Variants in MAJIN observed in about 807,000 individuals in gnomAD.
The protein encoded by MAJIN is membrane anchored junction protein, also known as membrane-anchored junction protein.
A neutral mutation model predicts 30.2 loss-of-function variants in MAJIN; 27 were observed. The ratio of observed to expected loss-of-function variants is 0.89; its 90% confidence interval spans 0.66 to 1.23. The LOEUF (loss-of-function observed/expected upper bound fraction) is 1.23. Among genes scored for constraint, MAJIN ranks in the 50% most tolerant of loss-of-function variants. The probability of loss-of-function intolerance (pLI) is 0.00; values close to 1 mark genes in which losing one functional copy is unlikely to be tolerated. For synonymous variants in MAJIN, 78 were observed against 91.6 expected (o/e 0.85, Z 0.85); for missense variants, 253 against 260.3 (o/e 0.97, Z 0.19).
At chr11:64,970,778 G>A (rs1164122138) in intron 1 of MAJIN, among the ~76,000 whole-genome samples, 3 of 152,194 alleles carry the variant, frequency 2.0e-5, no homozygotes, top group Non-Finnish European at 4.4e-5. Flanking sequence ...ATTCAATCAA[G>A]GCTCTGGGGA....
chr11:64,953,301 A>G (rs1453696944), intron 4 of MAJIN, among the ~76,000 whole-genome samples: 1 of 152,102 alleles, frequency 6.6e-6, no homozygotes, highest in East Asian at 1.9e-4. Context: ...ATGGCAGAAC[A>G]CTTCTCATAG....
chr11:64,958,572 A>G (rs1235884358), intron 3 of MAJIN, among the ~76,000 whole-genome samples: 4 of 147,710 alleles, frequency 2.7e-5, no homozygotes, highest in African/African-American at 7.5e-5. Flanking sequence ...TGATCACACC[A>G]CTACATGTGA....
At chr11:64,958,619 A>G (rs1590703021) in intron 3 of MAJIN, among the ~76,000 whole-genome samples, 1 of 146,256 alleles carries the variant, frequency 6.8e-6, no homozygotes, top group South Asian at 2.2e-4. Context: ...AAAAAAAAAG[A>G]AAGAAAAATT....
chr11:64,948,295 G>A (rs1408682530), intron 6 of MAJIN, among the ~76,000 whole-genome samples: 4 of 151,820 alleles, frequency 2.6e-5, no homozygotes. Flanking sequence ...GTTTCAGAAT[G>A]ATTGTAATCT....
chr11:64,957,488 C>G (rs1182214092), intron 3 of MAJIN, among the ~76,000 whole-genome samples: 1 of 152,342 alleles, frequency 6.6e-6, no homozygotes, highest in African/African-American at 2.4e-5. Flanking sequence ...ACTGCAGCCT[C>G]TGCCTCCCAG....
At chr11:64,947,608 G>T in intron 7 of MAJIN, 143 bp from the exon 8 acceptor site, 1 of 1,041,584 alleles carries the variant, frequency 9.6e-7, no homozygotes, top group Non-Finnish European at 1.4e-6. Context: ...TAGACATTCT[G>T]TTAGAGACAT....
intron 1 of MAJIN, among the ~76,000 whole-genome samples, chr11:64,962,963 C>A (rs1945750671): frequency 6.6e-6 from 1 of 152,038 alleles, no homozygotes; most frequent in South Asian, 2.1e-4. Context: ...CCCGCCTCTA[C>A]TAAAAATACA....
chr11:64,948,604 T>TATATATTC (rs1945489046), intron 6 of MAJIN, among the ~76,000 whole-genome samples: 1 of 21,482 alleles, frequency 4.7e-5, no homozygotes, highest in African/African-American at 1.8e-4. Context: ...GGCTACATCA[T>TATATATTC]ATATATATAT....
intron 1 of MAJIN, among the ~76,000 whole-genome samples, chr11:64,960,929 C>A (rs1031044369): frequency 2.0e-5 from 3 of 152,158 alleles, no homozygotes; most frequent in African/African-American, 7.2e-5. Context: ...ACTAGAATTG[C>A]AGTCAAAAAT....
intron 8 of MAJIN, among the ~76,000 whole-genome samples, chr11:64,945,119 A>G (rs1945431534): frequency 6.6e-6 from 1 of 152,136 alleles, no homozygotes; most frequent in African/African-American, 2.4e-5. Flanking sequence ...GCACTTTGGG[A>G]GGCCGAGGCG....
intron 6 of MAJIN, 138 bp downstream of exon 6, chr11:64,949,605 A>AAATACC: frequency 9.4e-7 from 1 of 1,065,300 alleles, no homozygotes; most frequent in Non-Finnish European, 1.3e-6. Flanking sequence ...TGAACCGGTC[A>AAATACC]GTCTGGCCTG....
At chr11:64,958,641 G>A (rs901713522) in intron 3 of MAJIN, among the ~76,000 whole-genome samples, 3 of 149,660 alleles carry the variant, frequency 2.0e-5, no homozygotes, top group African/African-American at 4.9e-5. Flanking sequence ...CAAGGGAGTC[G>A]AGATGAAAAA....
chr11:64,948,631 A>ATTTT (rs1945495201), intron 6 of MAJIN, among the ~76,000 whole-genome samples: 1 of 40,680 alleles, frequency 2.5e-5, no homozygotes, highest in Non-Finnish European at 3.6e-5. Flanking sequence ...ATATATATAT[A>ATTTT]TATATATATT....
chr11:64,966,145 G>GAAAAAAGA (rs1945804703), intron 1 of MAJIN, among the ~76,000 whole-genome samples: 1 of 57,100 alleles, frequency 1.8e-5, no homozygotes, highest in Non-Finnish European at 3.0e-5. Flanking sequence ...GATTAAAAAT[G>GAAAAAAGA]AAAAAAAAAA....
chr11:64,962,758 T>C (rs1369321255), intron 1 of MAJIN, among the ~76,000 whole-genome samples: 2 of 152,198 alleles, frequency 1.3e-5, no homozygotes, highest in Non-Finnish European at 2.9e-5. Flanking sequence ...AGCTACTTTG[T>C]AAATTCCAGA....
intron 9 of MAJIN, 116 bp downstream of exon 9, chr11:64,940,458 G>T: frequency 2.9e-6 from 3 of 1,021,964 alleles, no homozygotes; most frequent in Non-Finnish European, 4.6e-6. Context: ...CGGGAGCAAG[G>T]CACATTACCC....
intron 5 of MAJIN, 70 bp from the exon 6 acceptor site, chr11:64,949,938 ACT>A: frequency 2.6e-6 from 4 of 1,551,496 alleles, no homozygotes; most frequent in East Asian, 2.2e-5. Context: ...TAGGGATGAG[ACT>A]CTCTCTCCTT....
chr11:64,964,535 C>T (rs1217368559), intron 1 of MAJIN, among the ~76,000 whole-genome samples: 1 of 152,080 alleles, frequency 6.6e-6, no homozygotes, highest in Non-Finnish European at 1.5e-5. Context: ...CCTGGTCGCG[C>T]TCACCACTCT....
intron 3 of MAJIN, among the ~76,000 whole-genome samples, chr11:64,955,919 C>A (rs994911337): frequency 6.6e-6 from 1 of 152,190 alleles, no homozygotes; most frequent in Non-Finnish European, 1.5e-5. Context: ...TTAATCCCGG[C>A]GCTTTGGGAG....
Sources: gnomAD v4.1 joint callset for allele counts (sites outside exome capture counted in the v4.1 genomes callset) on GRCh38, gnomAD v4.1.1 for gene constraint, MANE v1.5 for transcripts, NCBI Gene and HGNC (gene_info 2026-07-23, HGNC 2026-07-21) for gene names.